AKAP7: variants seen among roughly 807,000 people sequenced by gnomAD.
The protein encoded by AKAP7 is A-kinase anchoring protein 7, also known as A kinase (PRKA) anchor protein 7.
A neutral mutation model predicts 39.5 loss-of-function variants in AKAP7; 39 were observed. The observed-to-expected ratio is 0.99, with a 90% CI of 0.76 to 1.29. The LOEUF is 1.29. AKAP7 is among the 50% of genes most tolerant of loss of function. The probability of loss-of-function intolerance (pLI) is 0.00; values close to 1 mark genes in which losing one functional copy is unlikely to be tolerated. For missense variants in AKAP7, 414 were observed against 407.7 expected, an observed-to-expected ratio of 1.02 and a Z score of -0.13; for synonymous variants, 140 against 139.1, an observed-to-expected ratio of 1.01 and a Z score of -0.05.
At chr6:131,257,060 C>T (rs1035644395) in intron 7 of AKAP7, among the ~76,000 whole-genome samples, 4 of 152,072 alleles carry the variant, frequency 2.6e-5, no homozygotes, top group South Asian at 2.1e-4. Context: ...TTTAACTTCT[C>T]TAAGATTTTT....
At chr6:131,244,865 A>G (rs571720872) in intron 7 of AKAP7, among the ~76,000 whole-genome samples, 9 of 152,298 alleles carry the variant, frequency 5.9e-5, no homozygotes, top group African/African-American at 1.9e-4. Context: ...CATTTGCTAT[A>G]CATATTAAAA....
Position 131,272,505 on chromosome 6 carries a change from G to C in AKAP7, c.851-9025G>C, listed in dbSNP as rs530872196. On this transcript the variant is annotated intron_variant, in intron 7 of 7. Coordinates refer to ENST00000431975, the MANE Select transcript of AKAP7 (RefSeq NM_016377.4). Reference sequence around the variant, plus strand: ...TTACTTTCTAATATAAGCACTTAGTGTATAAAGTACAGCTTTAGCTGCATT... The same window carrying C: ...TTACTTTCTAATATAAGCACTTAGTCTATAAAGTACAGCTTTAGCTGCATT... 1.2e-3 allele frequency among the ~76,000 whole-genome samples: 183 copies of C among 152,204 alleles called. 1 individual carries two copies. The highest frequency in any genetic ancestry group is 4.3e-3 in the African/African-American group (177 of 41,544).
intron 7 of AKAP7, among the ~76,000 whole-genome samples, chr6:131,234,278 A>C (rs1029033322): frequency 1.3e-5 from 2 of 152,236 alleles, no homozygotes; most frequent in African/African-American, 4.8e-5. Flanking sequence ...CAAAGATGGT[A>C]GGCAAACACA....
the AKAP7 span, among the ~76,000 whole-genome samples, chr6:131,126,419 G>T: frequency 5.9e-5 from 9 of 152,166 alleles, no homozygotes; most frequent in African/African-American, 2.2e-4. Flanking sequence ...AGAAGTAAAT[G>T]TCCACAGGTA....
chr6:131,248,284 A>G (rs1380717258), intron 7 of AKAP7, among the ~76,000 whole-genome samples: 3 of 152,218 alleles, frequency 2.0e-5, no homozygotes, highest in African/African-American at 7.2e-5. Context: ...AAAGATATCA[A>G]AACTCTGACC....
At chr6:131,241,080 G>T (rs1246508988) in intron 7 of AKAP7, among the ~76,000 whole-genome samples, 1 of 152,140 alleles carries the variant, frequency 6.6e-6, no homozygotes. Flanking sequence ...ATCTTATTTT[G>T]TAGGGAATGG....
chr6:131,184,163 CT>C (rs1420399756), intron 5 of AKAP7, among the ~76,000 whole-genome samples: 1 of 152,240 alleles, frequency 6.6e-6, no homozygotes, highest in African/African-American at 2.4e-5. Context: ...GTGGCCAGAG[CT>C]GCCACATCAG....
chr6:131,257,389 A>G (rs1053452143), intron 7 of AKAP7, among the ~76,000 whole-genome samples: 9 of 147,006 alleles, frequency 6.1e-5, no homozygotes, highest in African/African-American at 2.0e-4. Flanking sequence ...AAAAAAAAAA[A>G]GTCAGCTTGG....
At chr6:131,259,879 C>A (rs1300747399) in intron 7 of AKAP7, among the ~76,000 whole-genome samples, 1 of 152,082 alleles carries the variant, frequency 6.6e-6, no homozygotes, top group African/African-American at 2.4e-5. Flanking sequence ...TGGTGGTTTG[C>A]TCCACCCATC....
rs1478678443 is a variant in AKAP7, at chr6:131,135,676, C to CCGCCTCGGCCT, written c.-81_-71dup. 9.2e-7 allele frequency: 1 copy of CCGCCTCGGCCT among 1,089,656 alleles called. No homozygotes were observed. Among genetic ancestry groups the CCGCCTCGGCCT allele is most frequent in the African/African-American group, 1.7e-5 (1 of 59,584 alleles). 67.5% of individuals were successfully genotyped at this position (1,089,656 alleles called of 1,614,324 possible). ...CAGGCCCCGAGCCCCGCCCTGGCCTCCGCCTCGGCCTCGCCTCCAGCCCCG... is the reference window on the plus strand; with the variant it reads ...CAGGCCCCGAGCCCCGCCCTGGCCTCCGCCTCGGCCTCGCCTCGGCCTCGCCTCCAGCCCCG... On this transcript the variant is annotated 5_prime_UTR_variant, in exon 1 of 8. Coordinates refer to ENST00000431975, the MANE Select transcript of AKAP7 (RefSeq NM_016377.4).
chr6:131,273,594 A>G (rs1269227770), intron 7 of AKAP7, among the ~76,000 whole-genome samples: 1 of 152,104 alleles, frequency 6.6e-6, no homozygotes, highest in Non-Finnish European at 1.5e-5. Flanking sequence ...AGTTATTTGC[A>G]TTTTCCCCCT....
At chr6:131,136,881 C>A (rs1358719138) in intron 1 of AKAP7, 3 of 985,054 alleles carry the variant, frequency 3.0e-6, no homozygotes, top group Non-Finnish European at 3.6e-6. Flanking sequence ...TAAGCCAGGA[C>A]TAGAATGGAT....
intron 7 of AKAP7, among the ~76,000 whole-genome samples, chr6:131,231,847 T>C (rs1180984997): frequency 2.0e-5 from 3 of 152,228 alleles, no homozygotes; most frequent in Admixed American, 2.0e-4. Flanking sequence ...AAGTGTGCCC[T>C]TTATATGTTT....
the AKAP7 span, among the ~76,000 whole-genome samples, chr6:131,126,638 G>A: frequency 6.6e-6 from 1 of 152,198 alleles, no homozygotes; most frequent in African/African-American, 2.4e-5. Flanking sequence ...CCCTCATGGA[G>A]AAGCAGGGGA....
intron 5 of AKAP7, among the ~76,000 whole-genome samples, chr6:131,174,200 A>G (rs968455897): frequency 2.0e-5 from 3 of 152,206 alleles, no homozygotes; most frequent in South Asian, 2.1e-4. Context: ...TGTGTATTGT[A>G]CTATTGTTTT....
At chr6:131,263,265 G>T (rs1813505908) in intron 7 of AKAP7, among the ~76,000 whole-genome samples, 1 of 152,184 alleles carries the variant, frequency 6.6e-6, no homozygotes, top group African/African-American at 2.4e-5. Context: ...TTCAGCTTCT[G>T]TTCTCAGCCT....
chr6:131,204,463 G>A (rs951067932), intron 6 of AKAP7, among the ~76,000 whole-genome samples: 13 of 152,102 alleles, frequency 8.5e-5, no homozygotes, highest in African/African-American at 3.1e-4. Flanking sequence ...GGTTTCCTTG[G>A]GTTTGCCTTG....
chr6:131,160,921 G>C (rs1003568218), intron 3 of AKAP7, among the ~76,000 whole-genome samples: 1 of 152,100 alleles, frequency 6.6e-6, no homozygotes, highest in Non-Finnish European at 1.5e-5. Flanking sequence ...CCACTGAAGC[G>C]GTGAGGTAGG....
intron 2 of AKAP7, among the ~76,000 whole-genome samples, chr6:131,150,165 G>T (rs1801802903): frequency 6.6e-6 from 1 of 151,952 alleles, no homozygotes; most frequent in Non-Finnish European, 1.5e-5. Context: ...TTTTTTGTGT[G>T]TCATGTCTTC....
Sources: gnomAD v4.1 joint callset for allele counts (sites outside exome capture counted in the v4.1 genomes callset) on GRCh38, gnomAD v4.1.1 for gene constraint, MANE v1.5 for transcripts, NCBI Gene and HGNC (gene_info 2026-07-23, HGNC 2026-07-21) for gene names.